The following EFNA5 variants were observed in gnomAD, a reference collection of about 807,000 sequenced individuals.
EFNA5 encodes ephrin-A5.
Under a neutral mutation model 22.9 loss-of-function variants are expected in EFNA5, and 5 were observed. That is an observed-to-expected ratio of 0.22 (90% CI 0.11 to 0.46). The LOEUF (loss-of-function observed/expected upper bound fraction) is 0.46, where lower values mean the gene tolerates loss of function less well. EFNA5 is among the 20% of genes least tolerant of loss of function. The pLI, the probability that EFNA5 is intolerant of heterozygous loss-of-function variation, is 0.99. For synonymous variants in EFNA5, 113 were observed against 112.2 expected, an observed-to-expected ratio of 1.01 and a Z score of -0.04; for missense variants, 237 against 293.3, an observed-to-expected ratio of 0.81 and a Z score of 1.40.
chr5:107,553,515 C>A (rs1748344034), intron 1 of EFNA5, among the ~76,000 whole-genome samples: 1 of 152,218 alleles, frequency 6.6e-6, no homozygotes, highest in Non-Finnish European at 1.5e-5. Context: ...GAGAGACCAT[C>A]TCCATTTTAC....
chr5:107,454,642 T>A (rs1197248490), intron 1 of EFNA5, among the ~76,000 whole-genome samples: 2 of 152,180 alleles, frequency 1.3e-5, no homozygotes, highest in Non-Finnish European at 2.9e-5. Flanking sequence ...GGAAATTTTA[T>A]AATATGCAAA....
At chr5:107,527,329 C>T (rs1189538509) in intron 1 of EFNA5, among the ~76,000 whole-genome samples, 2 of 150,848 alleles carry the variant, frequency 1.3e-5, no homozygotes, top group Non-Finnish European at 3.0e-5. Context: ...CACTGTTGCC[C>T]GAGCTGGAAT....
At chr5:107,546,761 T>C (rs564049432) in intron 1 of EFNA5, among the ~76,000 whole-genome samples, 2 of 152,124 alleles carry the variant, frequency 1.3e-5, no homozygotes, top group Non-Finnish European at 2.9e-5. Flanking sequence ...ATTTGCCATA[T>C]GCCTTTCCTG....
chr5:107,627,151 C>T (rs566914241), intron 1 of EFNA5, among the ~76,000 whole-genome samples: 1 of 152,230 alleles, frequency 6.6e-6, no homozygotes, highest in African/African-American at 2.4e-5. Flanking sequence ...TGTTTGTTAA[C>T]TTTGGTGAAA....
chr5:107,637,530 G>GTC lies in EFNA5; in HGVS notation c.125+32958_125+32959insGA, dbSNP rs1750402595. ...TGTGTGTGTGTGTCTGTGTGTGTGTGTGTGTGTGTGTGGGTTTGCTTTTCA... is the reference window on the plus strand; with the variant it reads ...TGTGTGTGTGTGTCTGTGTGTGTGTGTCTGTGTGTGTGTGGGTTTGCTTTTCA... On this transcript the variant is annotated intron_variant, in intron 1 of 4. Coordinates refer to ENST00000333274, the MANE Select transcript of EFNA5 (RefSeq NM_001962.3). Among the ~76,000 whole-genome samples the GTC allele has an allele frequency of 4.0e-5, 6 of 151,710 alleles. No homozygotes were observed. In the South Asian group the frequency reaches 1.3e-3, roughly 32 times the overall value.
rs1014850635 is a variant in EFNA5 at position 107,615,468 on chromosome 5, C to T, written c.125+55021G>A. Among the ~76,000 whole-genome samples, 8 of 152,234 alleles carry T rather than the reference C, an allele frequency of 5.3e-5. No individual in the cohort carries two copies. The South Asian group carries it at 6.2e-4, about 12-fold the overall frequency. On this transcript the variant is annotated intron_variant, in intron 1 of 4. Transcript: ENST00000333274. ...ATGATCCCTATTTTCAGTTAAAATG[C>T]GCACTTACAGTTTTGGATTTAACAC...
chr5:107,606,785 C>T (rs553638993), intron 1 of EFNA5, among the ~76,000 whole-genome samples: 19 of 152,218 alleles, frequency 1.2e-4, no homozygotes, highest in South Asian at 2.1e-4. Context: ...CCCCTCTCTC[C>T]GTGAACAATG....
At chr5:107,418,765 T>C (rs1383862163) in intron 2 of EFNA5, among the ~76,000 whole-genome samples, 2 of 152,212 alleles carry the variant, frequency 1.3e-5, no homozygotes, top group Non-Finnish European at 2.9e-5. Context: ...TGAGTAACTT[T>C]TAAGGCTCCT....
chr5:107,387,231 T>C lies in EFNA5; in HGVS notation c.565+4A>G. On this transcript the variant is annotated splice_donor_region_variant and intron_variant, in intron 4 of 4. Transcript: ENST00000333274. ...GTTAAAAGAGATTCTCTAAGCATAC[T>C]AACCTGCTGGTTCTAATGAATTTTC... 5 of 1,598,146 alleles carry C rather than the reference T, an allele frequency of 3.1e-6. No individual in the cohort carries two copies. Among genetic ancestry groups the C allele is most frequent in the Non-Finnish European group, 4.3e-6 (5 of 1,169,272 alleles).
At chr5:107,507,051 C>A (rs1561416569) in intron 1 of EFNA5, among the ~76,000 whole-genome samples, 1 of 151,848 alleles carries the variant, frequency 6.6e-6, no homozygotes, top group Non-Finnish European at 1.5e-5. Flanking sequence ...ATAAAATGAT[C>A]AAAAGTTTGT....
intron 1 of EFNA5, among the ~76,000 whole-genome samples, chr5:107,536,498 G>C (rs1456766162): frequency 6.6e-6 from 1 of 152,104 alleles, no homozygotes; most frequent in Non-Finnish European, 1.5e-5. Context: ...ATTGTTATTA[G>C]AATTATTCTA....
intron 2 of EFNA5, among the ~76,000 whole-genome samples, chr5:107,409,124 CA>C (rs1748296367): frequency 6.6e-6 from 1 of 152,238 alleles, no homozygotes. Context: ...AAGGGAGTAC[CA>C]GATGCAAGAC....
chr5:107,530,170 C>T (rs1212266016), intron 1 of EFNA5, among the ~76,000 whole-genome samples: 1 of 152,226 alleles, frequency 6.6e-6, no homozygotes, highest in Non-Finnish European at 1.5e-5. Flanking sequence ...TCACACTGTA[C>T]ATCCACTGTA....
At chr5:107,639,872 A>G (rs1750466606) in intron 1 of EFNA5, among the ~76,000 whole-genome samples, 1 of 152,212 alleles carries the variant, frequency 6.6e-6, no homozygotes, top group African/African-American at 2.4e-5. Flanking sequence ...TACCATGTTA[A>G]TAGTTTGATC....
chr5:107,656,831 G>C (rs937158449), intron 1 of EFNA5, among the ~76,000 whole-genome samples: 1 of 152,018 alleles, frequency 6.6e-6, no homozygotes, highest in Non-Finnish European at 1.5e-5. Context: ...AACTCAAATA[G>C]AGCTGAAATT....
intron 1 of EFNA5, among the ~76,000 whole-genome samples, chr5:107,509,308 T>A (rs930898312): frequency 1.3e-5 from 2 of 151,628 alleles, no homozygotes; most frequent in Non-Finnish European, 2.9e-5. Context: ...GTCAACTCTT[T>A]TTCTTTTCCT....
intron 1 of EFNA5, among the ~76,000 whole-genome samples, chr5:107,652,826 T>C (rs1157645470): frequency 6.6e-6 from 1 of 152,276 alleles, no homozygotes; most frequent in Middle Eastern, 3.4e-3. Context: ...CAAGCAGCTT[T>C]TTCTCAAAGT....
intron 1 of EFNA5, among the ~76,000 whole-genome samples, chr5:107,447,169 G>C (rs1186825328): frequency 6.6e-6 from 1 of 152,174 alleles, no homozygotes; most frequent in Non-Finnish European, 1.5e-5. Flanking sequence ...GAATCAGACT[G>C]AATGACAGAG....
chr5:107,545,429 A>G (rs1008519941), intron 1 of EFNA5, among the ~76,000 whole-genome samples: 1 of 152,262 alleles, frequency 6.6e-6, no homozygotes, highest in Non-Finnish European at 1.5e-5. Flanking sequence ...ACAGAGGCCA[A>G]AGAAGCACAA....
Sources: allele counts gnomAD v4.1 joint callset (sites outside exome capture counted in the v4.1 genomes callset), GRCh38; gene constraint gnomAD v4.1.1; transcripts MANE v1.5; gene names NCBI Gene and HGNC (gene_info 2026-07-23, HGNC 2026-07-21).